NSMCE2: variants seen among roughly 807,000 people sequenced by gnomAD.
The protein encoded by NSMCE2 is NSE2 SUMO ligase component of SMC5/6 complex.
In NSMCE2, 24 loss-of-function variants were observed where a neutral mutation model predicts 23.8. The observed-to-expected ratio is 1.01, with a 90% CI of 0.73 to 1.42. The LOEUF is 1.42. Among genes scored for constraint, NSMCE2 ranks in the 40% most tolerant of loss-of-function variants. The pLI, the probability that NSMCE2 is intolerant of heterozygous loss-of-function variation, is 0.00. For synonymous variants in NSMCE2, 92 were observed against 94.1 expected (o/e 0.98, Z 0.13); for missense variants, 284 against 296.5 (o/e 0.96, Z 0.31).
intron 5 of NSMCE2, among the ~76,000 whole-genome samples, chr8:125,287,907 C>T (rs1431736714): frequency 4.6e-5 from 7 of 152,280 alleles, no homozygotes; most frequent in South Asian, 2.1e-4. Context: ...GACTACTCGA[C>T]GCTCCCAGAT....
chr8:125,208,688 A>G (rs1405103073), intron 5 of NSMCE2, among the ~76,000 whole-genome samples: 2 of 152,228 alleles, frequency 1.3e-5, no homozygotes, highest in African/African-American at 4.8e-5. Flanking sequence ...GAAGGGAGAC[A>G]TCTTTGAAAC....
intron 4 of NSMCE2, among the ~76,000 whole-genome samples, chr8:125,159,018 A>G (rs971181309): frequency 4.6e-5 from 7 of 152,250 alleles, no homozygotes; most frequent in Non-Finnish European, 1.0e-4. Context: ...AGAAATAAAC[A>G]GTTCAAATAA....
At chr8:125,099,752 T>A (rs1293204707) in intron 1 of NSMCE2, among the ~76,000 whole-genome samples, 5 of 151,968 alleles carry the variant, frequency 3.3e-5, no homozygotes, top group Non-Finnish European at 4.4e-5. Context: ...CCAAAGGGAA[T>A]GGAAGGAGAG....
intron 5 of NSMCE2, among the ~76,000 whole-genome samples, chr8:125,245,327 C>T (rs1424370668): frequency 1.3e-5 from 2 of 152,088 alleles, no homozygotes; most frequent in Non-Finnish European, 2.9e-5. Context: ...GGACTTGCCA[C>T]ATTCTCTCAC....
chr8:125,117,675 C>G (rs1196713021), intron 3 of NSMCE2, among the ~76,000 whole-genome samples: 1 of 152,070 alleles, frequency 6.6e-6, no homozygotes, highest in Non-Finnish European at 1.5e-5. Flanking sequence ...ACCACGATCC[C>G]CAGCTAATTT....
At chr8:125,193,515 C>G (rs1298095316) in intron 5 of NSMCE2, among the ~76,000 whole-genome samples, 1 of 152,150 alleles carries the variant, frequency 6.6e-6, no homozygotes. Flanking sequence ...ATGCTTCTAC[C>G]TTGTCTCTTT....
chr8:125,285,457 T>C (rs983744559), intron 5 of NSMCE2, among the ~76,000 whole-genome samples: 1 of 152,082 alleles, frequency 6.6e-6, no homozygotes, highest in Non-Finnish European at 1.5e-5. Flanking sequence ...AACAAATACT[T>C]ACATGCCCAT....
At chr8:125,193,467 A>G (rs1823456931) in intron 5 of NSMCE2, among the ~76,000 whole-genome samples, 2 of 152,238 alleles carry the variant, frequency 1.3e-5, no homozygotes, top group Non-Finnish European at 2.9e-5. Flanking sequence ...TATTTTTTAA[A>G]CCACATTCAT....
At chr8:125,331,410 A>C (rs1829871045) in intron 5 of NSMCE2, among the ~76,000 whole-genome samples, 1 of 152,194 alleles carries the variant, frequency 6.6e-6, no homozygotes, top group African/African-American at 2.4e-5. Context: ...TGTTATCAGT[A>C]CTCAGGGCCC....
At chr8:125,326,422 T>A (rs1049333852) in intron 5 of NSMCE2, among the ~76,000 whole-genome samples, 1 of 151,722 alleles carries the variant, frequency 6.6e-6, no homozygotes, top group Non-Finnish European at 1.5e-5. Flanking sequence ...TATTTGTAGA[T>A]ATGTATGTGT....
At position 125,102,164 on chromosome 8, in the gene NSMCE2, T is replaced by G; in HGVS notation, c.-15+18T>G. 1 of 586,720 alleles carries G rather than the reference T, an allele frequency of 1.7e-6. No homozygotes were observed. The allele number at this position is 586,720 out of a possible 1,614,324, so 36.3% of individuals were successfully genotyped here. On this transcript the variant is annotated intron_variant, in intron 2 of 7. Transcript: ENST00000287437. The stretch of plus-strand genomic sequence containing the variant: ...TGGCCCAGGTGAGTGGCACAGTGAT[T>G]TGGTGTCTTCTCTATAGGATATACA...
At chr8:125,168,607 A>G (rs542736491) in intron 4 of NSMCE2, among the ~76,000 whole-genome samples, 7 of 152,336 alleles carry the variant, frequency 4.6e-5, no homozygotes, top group African/African-American at 1.4e-4. Flanking sequence ...TGGAATGAGC[A>G]AACAAGCTCT....
rs10635586 is a variant in NSMCE2, at chr8:125,272,699, G to GATAT, written c.419-84506_419-84503dup. Among the ~76,000 whole-genome samples the GATAT allele has an allele frequency of 4.0e-3, 501 of 125,410 alleles. 8 individuals carry two copies. Among genetic ancestry groups the GATAT allele is most frequent in the East Asian group, 7.9e-3 (38 of 4,840 alleles). The allele number at this position is 125,410 out of a possible 152,430, so 82.3% of individuals were successfully genotyped here. On this transcript the variant is annotated intron_variant, in intron 5 of 7. Coordinates refer to ENST00000287437, the MANE Select transcript of NSMCE2 (RefSeq NM_173685.4). The stretch of plus-strand genomic sequence containing the variant: ...GTATATATATATCCCAGCTACTTGG[G>GATAT]ATATATATATATATATAATATATAT...
At chr8:125,137,852 T>A (rs1820151399) in intron 3 of NSMCE2, among the ~76,000 whole-genome samples, 1 of 152,216 alleles carries the variant, frequency 6.6e-6, no homozygotes, top group Non-Finnish European at 1.5e-5. Context: ...AATGATAATG[T>A]CTTCTTCACA....
chr8:125,310,226 C>T (rs1200644525), intron 5 of NSMCE2, among the ~76,000 whole-genome samples: 1 of 152,186 alleles, frequency 6.6e-6, no homozygotes, highest in Non-Finnish European at 1.5e-5. Context: ...AAGGAAAATA[C>T]ATAACTCAGA....
chr8:125,243,394 A>G (rs905897955), intron 5 of NSMCE2, among the ~76,000 whole-genome samples: 1 of 152,168 alleles, frequency 6.6e-6, no homozygotes, highest in Admixed American at 6.5e-5. Flanking sequence ...AAGCTGAAAG[A>G]TGTTCCAAAA....
rs34763403 is a variant in NSMCE2 at position 125,234,012 on chromosome 8, T to TAAA, written c.418+51776_418+51778dup. 6.4e-3 allele frequency among the ~76,000 whole-genome samples: 655 copies of TAAA among 102,140 alleles called. 8 individuals carry two copies. The highest frequency in any genetic ancestry group is 0.023 in the African/African-American group (629 of 26,872). 67.0% of individuals were successfully genotyped at this position (102,140 alleles called of 152,430 possible). ...TAACATGGTGAAACCCTGTCTCTAC[T>TAAA]AAAAAAAAAAAAAAAAAAAAAATAC... is the stretch of plus-strand genomic sequence containing the variant. On this transcript the variant is annotated intron_variant, in intron 5 of 7. Coordinates refer to ENST00000287437, the MANE Select transcript of NSMCE2 (RefSeq NM_173685.4).
chr8:125,316,918 A>G (rs905353959), intron 5 of NSMCE2, among the ~76,000 whole-genome samples: 3 of 151,836 alleles, frequency 2.0e-5, no homozygotes, highest in Non-Finnish European at 4.4e-5. Context: ...AGCTGGCACT[A>G]TAGGCGTGTG....
chr8:125,153,056 CAAAAA>C (rs768246218), intron 4 of NSMCE2, among the ~76,000 whole-genome samples: 4 of 47,456 alleles, frequency 8.4e-5, no homozygotes, highest in South Asian at 2.0e-3. Context: ...GACTCCGTCT[CAAAAA>C]AAAAAAAAAA....
Sources: allele counts gnomAD v4.1 joint callset (sites outside exome capture counted in the v4.1 genomes callset), GRCh38; gene constraint gnomAD v4.1.1; transcripts MANE v1.5; gene names NCBI Gene and HGNC (gene_info 2026-07-23, HGNC 2026-07-21).